PHACTR3: variants seen among roughly 807,000 people sequenced by gnomAD.
The protein encoded by PHACTR3 is protein phosphatase 1, regulatory subunit 123.
A neutral mutation model predicts 66.8 loss-of-function variants in PHACTR3; 16 were observed. The ratio of observed to expected loss-of-function variants is 0.24; its 90% CI spans 0.16 to 0.36. PHACTR3 has a LOEUF of 0.36. PHACTR3 is among the 10% of genes least tolerant of loss of function. The probability of loss-of-function intolerance (pLI) is 1.00; values close to 1 mark genes in which losing one functional copy is unlikely to be tolerated. For missense variants in PHACTR3, 647 were observed against 719.9 expected (o/e 0.90, Z 1.16); for synonymous variants, 323 against 292.1 (o/e 1.11, Z -1.08).
At chr20:59,731,694 G>C (rs372731114) in intron 1 of PHACTR3, among the ~76,000 whole-genome samples, 2 of 152,124 alleles carry the variant, frequency 1.3e-5, no homozygotes, top group Admixed American at 1.3e-4. Context: ...CTTTAATAAT[G>C]TCTTGATTTT....
At chr20:59,616,004 C>T (rs895031719) in intron 1 of PHACTR3, among the ~76,000 whole-genome samples, 1 of 152,142 alleles carries the variant, frequency 6.6e-6, no homozygotes, top group African/African-American at 2.4e-5. Context: ...GATGCCTTGA[C>T]ATTGGATGCC....
At chr20:59,753,137 G>A (rs1288615036) in intron 3 of PHACTR3, among the ~76,000 whole-genome samples, 5 of 151,014 alleles carry the variant, frequency 3.3e-5, no homozygotes, top group Non-Finnish European at 5.9e-5. Flanking sequence ...AAATAGAAAA[G>A]ACTTTCATAA....
chr20:59,729,047 G>A (rs1333288147), intron 1 of PHACTR3, among the ~76,000 whole-genome samples: 1 of 152,270 alleles, frequency 6.6e-6, no homozygotes, highest in African/African-American at 2.4e-5. Context: ...TGGGGAGGCT[G>A]CAGAGAACTG....
At chr20:59,816,690 C>G (rs933459928) in intron 8 of PHACTR3, among the ~76,000 whole-genome samples, 2 of 152,186 alleles carry the variant, frequency 1.3e-5, no homozygotes, top group African/African-American at 4.8e-5. Flanking sequence ...AGTAGGCTCC[C>G]AGCTAATTAC....
chr20:59,703,688 G>A (rs1568727812), intron 1 of PHACTR3, among the ~76,000 whole-genome samples: 1 of 148,618 alleles, frequency 6.7e-6, no homozygotes, highest in Non-Finnish European at 1.5e-5. Flanking sequence ...GTATTTCCTT[G>A]GGGTGTGTGT....
At position 59,738,520 on chromosome 20, in the gene PHACTR3, G is replaced by A. The variant is rs192084566; in HGVS notation, c.119-4587G>A. On this transcript the variant is annotated intron_variant, in intron 1 of 12. Coordinates refer to ENST00000371015, the MANE Select transcript of PHACTR3 (RefSeq NM_080672.5). The surrounding 1 kb of genome is among the most constrained non-coding windows in gnomAD (Gnocchi z 4.4). The stretch of plus-strand genomic sequence containing the variant: ...CTGGACCAGGGTTGTTATGATGCAG[G>A]TGGCAAAGAAAGTTGGGTTCAGGGT... Among the ~76,000 whole-genome samples the A allele has an allele frequency of 2.8e-3, 418 of 151,826 alleles. 4 individuals are homozygous for A. The highest frequency in any genetic ancestry group is 0.015 in the East Asian group (79 of 5,114).
rs188985555 is a variant in PHACTR3 at position 59,804,370 on chromosome 20, T to C, written c.1175-1671T>C. Among the ~76,000 whole-genome samples the C allele has an allele frequency of 7.2e-5, 11 of 152,346 alleles. 1 individual carries two copies. The highest frequency in any genetic ancestry group is 6.5e-4 in the Admixed American group (10 of 15,306). ...GATGATAAGCCTGAGACATTTGCAA[T>C]GGGCTTAAGGACTTGGTTCATCAAA... On this transcript the variant is annotated intron_variant, in intron 7 of 12. Coordinates refer to ENST00000371015, the MANE Select transcript of PHACTR3 (RefSeq NM_080672.5).
intron 1 of PHACTR3, among the ~76,000 whole-genome samples, chr20:59,672,637 A>G (rs1199021918): frequency 1.3e-5 from 2 of 152,172 alleles, no homozygotes; most frequent in African/African-American, 4.8e-5. Flanking sequence ...CGGCACATGG[A>G]ACCTGATAAA....
intron 8 of PHACTR3, among the ~76,000 whole-genome samples, chr20:59,825,710 G>T (rs934210649): frequency 6.6e-6 from 1 of 152,204 alleles, no homozygotes; most frequent in Admixed American, 6.5e-5. Flanking sequence ...ACCATGGGGA[G>T]ATCTGGGTAA....
At chr20:59,774,577 G>A (rs568905452) in intron 7 of PHACTR3, 87 bp downstream of exon 7, 1 of 1,513,634 alleles carries the variant, frequency 6.6e-7, no homozygotes, top group East Asian at 2.3e-5. Flanking sequence ...TCGTGCCTGG[G>A]GGAGGAACAG....
Position 59,738,086 on chromosome 20 carries a change from C to G in PHACTR3, c.119-5021C>G, listed in dbSNP as rs1004137562. ...TAGGGAGGGGGAGGCGCCACTGCCC[C>G]TCCTGCCCACCTTCCACCAGTGGAA... On this transcript the variant is annotated intron_variant, in intron 1 of 12. Transcript: ENST00000371015. This position sits in a 1 kb window ranked among gnomAD's most constrained non-coding sequence, Gnocchi z 4.4. 6.6e-6 allele frequency among the ~76,000 whole-genome samples: 1 copy of G among 152,086 alleles called. No individual in the cohort carries two copies. Among genetic ancestry groups the G allele is most frequent in the Non-Finnish European group, 1.5e-5 (1 of 68,006 alleles).
intron 3 of PHACTR3, among the ~76,000 whole-genome samples, chr20:59,752,572 C>CCTTGCAGAAAACCTGCAAGAAGTT (rs1344209584): frequency 1.6e-4 from 24 of 152,218 alleles, no homozygotes; most frequent in African/African-American, 5.5e-4. Context: ...TGCAAGAAGT[C>CCTTGCAGAAAACCTGCAAGAAGTT]CTTGCAGAAA....
chr20:59,747,894 G>C, intron 3 of PHACTR3, 59 bp downstream of exon 3: 1 of 1,555,392 alleles, frequency 6.4e-7, no homozygotes, highest in Non-Finnish European at 8.8e-7. Context: ...AGAATGGAAA[G>C]TCTCACATGA....
intron 1 of PHACTR3, among the ~76,000 whole-genome samples, chr20:59,682,307 T>C (rs1424763712): frequency 6.6e-6 from 1 of 152,068 alleles, no homozygotes; most frequent in Non-Finnish European, 1.5e-5. Context: ...GGTGCTGCAC[T>C]CCAGCCTGGG....
At chr20:59,720,588 A>G (rs2038255979) in intron 1 of PHACTR3, among the ~76,000 whole-genome samples, 1 of 152,190 alleles carries the variant, frequency 6.6e-6, no homozygotes. Flanking sequence ...GCCTCCTGCC[A>G]AAGTCCACTT....
Position 59,604,742 on chromosome 20 carries a change from T to C in PHACTR3, c.-273T>C. The C allele has an allele frequency of 9.0e-7, 1 of 1,109,190 alleles. No homozygotes were observed. The highest frequency in any genetic ancestry group is 1.1e-6 in the Non-Finnish European group (1 of 912,948). The allele number at this position is 1,109,190 out of a possible 1,614,324, so 68.7% of individuals were successfully genotyped here. On this transcript the variant is annotated 5_prime_UTR_variant, in exon 1 of 13. The change abolishes an upstream ATG in the 5' untranslated region. Coordinates refer to ENST00000371015, the MANE Select transcript of PHACTR3 (RefSeq NM_080672.5). ...TTTCCCTGGAATATAGACTGAAGAA[T>C]GGGAATAAACACGAATAAATAACAA...
intron 5 of PHACTR3, among the ~76,000 whole-genome samples, chr20:59,772,690 C>T (rs1276057925): frequency 2.0e-5 from 3 of 152,250 alleles, no homozygotes; most frequent in East Asian, 1.9e-4. Context: ...CCCCCAGGGG[C>T]CTTGAGACTG....
At chr20:59,778,419 C>T (rs2146912317) in intron 7 of PHACTR3, among the ~76,000 whole-genome samples, 1 of 152,320 alleles carries the variant, frequency 6.6e-6, no homozygotes, top group East Asian at 1.9e-4. Flanking sequence ...CAACCACAGC[C>T]CCTGAGACTC....
At chr20:59,786,828 G>T (rs944173144) in intron 7 of PHACTR3, among the ~76,000 whole-genome samples, 3 of 152,124 alleles carry the variant, frequency 2.0e-5, no homozygotes, top group Admixed American at 6.5e-5. Flanking sequence ...TGCAGTTGAC[G>T]GGTGTCCATG....
Sources: gnomAD v4.1 joint callset for allele counts (sites outside exome capture counted in the v4.1 genomes callset) on GRCh38, gnomAD v4.1.1 for gene constraint, Gnocchi (gnomAD v3.1) non-coding constraint, MANE v1.5 for transcripts, NCBI Gene and HGNC (gene_info 2026-07-23, HGNC 2026-07-21) for gene names.